FARP2: variants seen among roughly 807,000 people sequenced by gnomAD.
FARP2 encodes FERM, ARH/RhoGEF and pleckstrin domain protein 2.
A neutral mutation model predicts 130.5 loss-of-function variants in FARP2; 111 were observed. That is an observed-to-expected ratio of 0.85 (90% CI 0.73 to 1.00). The LOEUF is 1.00. Ranked by LOEUF, FARP2 falls within the 50% of genes least tolerant of loss-of-function variation. The pLI is 0.00. For synonymous variants in FARP2, 504 were observed against 516.9 expected (o/e 0.98, Z 0.34); for missense variants, 1,385 against 1,346.3 (o/e 1.03, Z -0.45).
In FARP2 at chr2:241,434,331, ATG is replaced by A; in HGVS notation, c.1031+11_1031+12del. On this transcript the variant is annotated intron_variant, in intron 10 of 26. Transcript: ENST00000264042. ...CCTCCTTCAGATACAGGTAGGGGCC[ATG>A]CCGTGGCTTGCATGGGCCCCTCACT... 2 of 1,585,562 alleles carry A rather than the reference ATG, an allele frequency of 1.3e-6. No homozygotes were observed. The highest frequency in any genetic ancestry group is 1.7e-6 in the Non-Finnish European group (2 of 1,169,958).
At chr2:241,491,292 T>A in intron 23 of FARP2, 113 bp downstream of exon 23, 1 of 902,772 alleles carries the variant, frequency 1.1e-6, no homozygotes, top group South Asian at 1.5e-5. Flanking sequence ...ACAATCCCCT[T>A]CCACAAGGAA....
rs1349746313 is a variant in FARP2, at chr2:241,438,712, C to T, written c.1158+2174C>T. On this transcript the variant is annotated intron_variant, in intron 12 of 26. Coordinates refer to ENST00000264042, the MANE Select transcript of FARP2 (RefSeq NM_014808.4). ...TGGCGCGATCTTGGCTCACTGCAAG[C>T]TCCGCCTCCCGGGTTCACGCCATTC... Among the ~76,000 whole-genome samples, 6 of 150,530 alleles carry T rather than the reference C, an allele frequency of 4.0e-5. No individual in the cohort carries two copies. In the East Asian group the frequency reaches 1.2e-3, roughly 29 times the overall value.
rs1311048062 is a variant in FARP2, at chr2:241,445,794, C to CCG, written c.1411+4239_1411+4240insGC. 22 of 152,374 alleles carry CCG rather than the reference C, an allele frequency of 1.4e-4. No individual in the cohort carries two copies. The Middle Eastern group carries it at 0.014, about 94-fold the overall frequency. The allele number at this position is 152,374 out of a possible 1,614,324, so 9.4% of individuals were successfully genotyped here. On this transcript the variant is annotated intron_variant, in intron 13 of 26. Transcript: ENST00000264042. Reference sequence around the variant, plus strand: ...AATCTATTGATCTCCTCAGTTACATCCAGAACCTTAAAGCCGCACAGTTGT... The same window carrying CCG: ...AATCTATTGATCTCCTCAGTTACATCCGCAGAACCTTAAAGCCGCACAGTTGT...
chr2:241,487,778 C>T (rs1370766554), intron 21 of FARP2, among the ~76,000 whole-genome samples: 6 of 58,436 alleles, frequency 1.0e-4, no homozygotes, highest in East Asian at 7.7e-4. Context: ...GAGATGGAAT[C>T]GCTCTGTCGC....
intron 1 of FARP2, among the ~76,000 whole-genome samples, chr2:241,371,909 A>G (rs2061432861): frequency 6.6e-6 from 1 of 152,172 alleles, no homozygotes; most frequent in Non-Finnish European, 1.5e-5. Flanking sequence ...CTAAATATTT[A>G]GTACCTAATA....
chr2:241,491,752 G>A, intron 24 of FARP2, 73 bp downstream of exon 24: 1 of 1,437,046 alleles, frequency 7.0e-7, no homozygotes, highest in Non-Finnish European at 9.4e-7. Context: ...CTGCTGAGGA[G>A]GGGACCTCAG....
At chr2:241,442,634 GGATA>G (rs1378450720) in intron 13 of FARP2, 7 of 332,602 alleles carry the variant, frequency 2.1e-5, no homozygotes, top group Non-Finnish European at 3.6e-5. Flanking sequence ...TTCATTTCAT[GGATA>G]GATATTCAAT....
At chr2:241,490,548 A>C (rs2124910404) in intron 22 of FARP2, among the ~76,000 whole-genome samples, 1 of 152,234 alleles carries the variant, frequency 6.6e-6, no homozygotes, top group East Asian at 1.9e-4. Flanking sequence ...CCTCCTCCCC[A>C]GATAAGATCA....
chr2:241,407,593 C>G lies in FARP2; in HGVS notation c.388C>G (p.Gln130Glu), dbSNP rs768757861. Reference protein sequence around the residue: ...AVKFFPPDPGQLQEEYTRYLF... With the variant: ...AVKFFPPDPGELQEEYTRYLF... ...AAAATTTTTTCCACCTGATCCTGGTCAGCTACAAGAAGAATATACAAGGTA... is the reference window on the plus strand; with the variant it reads ...AAAATTTTTTCCACCTGATCCTGGTGAGCTACAAGAAGAATATACAAGGTA... The change falls in exon 5 of 27, where the codon CAG becomes GAG. Residue 130 changes from glutamine to glutamate, a missense_variant. Gln to Glu is a conservative substitution (Grantham distance 29). Coordinates refer to ENST00000264042, the MANE Select transcript of FARP2 (RefSeq NM_014808.4). 1.5e-5 allele frequency: 24 copies of G among 1,613,888 alleles called. No homozygotes were observed. The highest frequency in any genetic ancestry group is 1.6e-4 in the Middle Eastern group (1 of 6,062).
chr2:241,451,564 G>T (rs1436498636), intron 13 of FARP2, among the ~76,000 whole-genome samples: 1 of 152,066 alleles, frequency 6.6e-6, no homozygotes, highest in South Asian at 2.1e-4. Context: ...TATATGATAC[G>T]AATTTTATAA....
Position 241,453,518 on chromosome 2 carries a change from A to G in FARP2, c.1412-3229A>G, listed in dbSNP as rs35785531. 4.4e-3 allele frequency among the ~76,000 whole-genome samples: 662 copies of G among 151,582 alleles called. 4 individuals are homozygous for G. Among genetic ancestry groups the G allele is most frequent in the African/African-American group, 0.015 (638 of 41,286 alleles). On this transcript the variant is annotated intron_variant, in intron 13 of 26. Transcript: ENST00000264042. ...GAGCCTGTAGTCCCAGCTACTCGGG[A>G]GGCTGAGGCAGGAGAATGGCATGAA...
At chr2:241,425,575 T>A (rs774811765) in intron 8 of FARP2, among the ~76,000 whole-genome samples, 5 of 145,206 alleles carry the variant, frequency 3.4e-5, no homozygotes, top group Admixed American at 7.1e-5. Context: ...AGGGGGAAAT[T>A]GAATCCCTGA....
At chr2:241,450,916 C>T (rs2063640208) in intron 13 of FARP2, among the ~76,000 whole-genome samples, 1 of 152,188 alleles carries the variant, frequency 6.6e-6, no homozygotes, top group Admixed American at 6.5e-5. Flanking sequence ...TGCGCCACTG[C>T]ACTCCAGCCT....
intron 11 of FARP2, among the ~76,000 whole-genome samples, chr2:241,436,224 A>G (rs747300613): frequency 1.3e-4 from 20 of 152,186 alleles, no homozygotes; most frequent in Non-Finnish European, 2.4e-4. Context: ...TAAACATTTA[A>G]TCTGAAAATT....
At chr2:241,431,422 C>T (rs1285221983) in intron 8 of FARP2, among the ~76,000 whole-genome samples, 1 of 148 alleles carries the variant, frequency 6.8e-3, no homozygotes, top group South Asian at 0.17. Context: ...CTGCAGTGAG[C>T]GGAGATTGGT....
At chr2:241,368,365 T>G (rs1027779025) in intron 1 of FARP2, among the ~76,000 whole-genome samples, 4 of 152,086 alleles carry the variant, frequency 2.6e-5, no homozygotes, top group African/African-American at 7.3e-5. Flanking sequence ...GGAGCAGGGA[T>G]GGGCAGAGGT....
chr2:241,411,934 C>T (rs894937738), intron 6 of FARP2, among the ~76,000 whole-genome samples: 2 of 152,142 alleles, frequency 1.3e-5, no homozygotes, highest in African/African-American at 4.8e-5. Flanking sequence ...TTCAAAGTGA[C>T]TTTGGTTCTT....
chr2:241,367,297 G>C (rs2150290902), intron 1 of FARP2, among the ~76,000 whole-genome samples: 1 of 152,260 alleles, frequency 6.6e-6, no homozygotes, highest in African/African-American at 2.4e-5. Flanking sequence ...GTTCTGGGGA[G>C]GGTGTGCAAG....
rs2065046206 is a variant in FARP2 at position 241,494,352 on chromosome 2, G to A, written c.*227G>A. ...ATCTGGGGCCCTGGGAAAAATGTGCGAGTCTTGAGCGCGGAGCCGCTCAAG... is the reference window on the plus strand; with the variant it reads ...ATCTGGGGCCCTGGGAAAAATGTGCAAGTCTTGAGCGCGGAGCCGCTCAAG... On this transcript the variant is annotated 3_prime_UTR_variant, in exon 27 of 27. Coordinates refer to ENST00000264042, the MANE Select transcript of FARP2 (RefSeq NM_014808.4). This position sits in a 1 kb window ranked among gnomAD's most constrained non-coding sequence, Gnocchi z 4.9. 6 of 359,636 alleles carry A rather than the reference G, an allele frequency of 1.7e-5. No homozygotes were observed. The highest frequency in any genetic ancestry group is 1.5e-5 in the Non-Finnish European group (3 of 197,124). 22.3% of individuals were successfully genotyped at this position (359,636 alleles called of 1,614,324 possible).
Sources: gnomAD v4.1 joint callset for allele counts (sites outside exome capture counted in the v4.1 genomes callset) on GRCh38, gnomAD v4.1.1 for gene constraint, Gnocchi (gnomAD v3.1) non-coding constraint, MANE v1.5 for transcripts, NCBI Gene and HGNC (gene_info 2026-07-23, HGNC 2026-07-21) for gene names.